Variants in SCML4 observed in about 807,000 individuals in gnomAD.
SCML4 encodes Scm polycomb group protein like 4.
A neutral mutation model predicts 41.1 loss-of-function variants in SCML4; 34 were observed. The observed-to-expected ratio is 0.83, with a 90% confidence interval of 0.63 to 1.10. The LOEUF (loss-of-function observed/expected upper bound fraction) is 1.10, where lower values mean the gene tolerates loss of function less well. Ranked by LOEUF, SCML4 falls within the 50% of genes least tolerant of loss-of-function variation. SCML4 has a pLI of 0.00. For missense variants in SCML4, 522 were observed against 534.1 expected, an observed-to-expected ratio of 0.98 and a Z score of 0.22; for synonymous variants, 214 against 220.9, an observed-to-expected ratio of 0.97 and a Z score of 0.28.
intron 1 of SCML4, among the ~76,000 whole-genome samples, chr6:107,779,518 A>G (rs1781317800): frequency 6.6e-6 from 1 of 152,126 alleles, no homozygotes; most frequent in South Asian, 2.1e-4. Flanking sequence ...TTGTTTCTGT[A>G]AGTGAACGGA....
intron 5 of SCML4, among the ~76,000 whole-genome samples, chr6:107,737,643 C>T (rs373827076): frequency 3.3e-5 from 5 of 151,894 alleles, no homozygotes; most frequent in African/African-American, 9.7e-5. Context: ...CAGGGTGTGG[C>T]CCCCGCCCTA....
In SCML4 at chr6:107,756,449, C is replaced by T. The variant is rs192651568; in HGVS notation, c.157-6636G>A. 5.9e-5 allele frequency among the ~76,000 whole-genome samples: 9 copies of T among 152,306 alleles called. No homozygotes were observed. The East Asian group carries it at 1.7e-3, about 29-fold the overall frequency. On this transcript the variant is annotated intron_variant, in intron 2 of 7. Transcript: ENST00000369020. The stretch of plus-strand genomic sequence containing the variant: ...TACAAAATACCCAACCAGTACTCCT[C>T]AAAACTGCCAAAGTCATCACAAAAG...
At chr6:107,831,878 C>G in the SCML4 span, among the ~76,000 whole-genome samples, 1 of 134,982 alleles carries the variant, frequency 7.4e-6, no homozygotes, top group African/African-American at 2.7e-5. Flanking sequence ...ACGGTGAAAC[C>G]CGTCTCTACT....
chr6:107,820,613 T>C (rs1304134533), intron 1 of SCML4, among the ~76,000 whole-genome samples: 6 of 152,148 alleles, frequency 3.9e-5, no homozygotes, highest in African/African-American at 1.4e-4. Flanking sequence ...GGGTGAGAGT[T>C]TGCAAAAACA....
At chr6:107,756,471 A>T (rs147390959) in intron 2 of SCML4, among the ~76,000 whole-genome samples, 22 of 152,344 alleles carry the variant, frequency 1.4e-4, no homozygotes, top group African/African-American at 4.3e-4. Context: ...AGTCATCACA[A>T]AAGGAAATTC....
At chr6:107,838,467 G>A in the SCML4 span, among the ~76,000 whole-genome samples, 1 of 152,156 alleles carries the variant, frequency 6.6e-6, no homozygotes, top group African/African-American at 2.4e-5. Context: ...CCAGACTTCC[G>A]GCCTCCCCCA....
At chr6:107,730,249 G>C (rs1352117932) in intron 5 of SCML4, among the ~76,000 whole-genome samples, 1 of 152,246 alleles carries the variant, frequency 6.6e-6, no homozygotes, top group Non-Finnish European at 1.5e-5. Context: ...GCAAACACCA[G>C]ATGGGGCCAG....
chr6:107,756,691 G>A (rs1341339436), intron 2 of SCML4, among the ~76,000 whole-genome samples: 1 of 152,130 alleles, frequency 6.6e-6, no homozygotes, highest in Non-Finnish European at 1.5e-5. Flanking sequence ...AAAAATGGGG[G>A]GAAATCAGGT....
Position 107,704,291 on chromosome 6 carries a change from CA to C in SCML4, c.*908del, listed in dbSNP as rs1366157935. 3 of 152,230 alleles carry C rather than the reference CA, an allele frequency of 2.0e-5. No homozygotes were observed. The highest frequency in any genetic ancestry group is 4.4e-5 in the Non-Finnish European group (3 of 68,042). 9.4% of individuals were successfully genotyped at this position (152,230 alleles called of 1,614,324 possible). ...AAGATTCTTCGGCATGCCAACACTT[CA>C]ACACCTCAATAAGGACTCTGGAAGG... is the stretch of plus-strand genomic sequence containing the variant. On this transcript the variant is annotated 3_prime_UTR_variant, in exon 8 of 8. Transcript: ENST00000369020.
intron 1 of SCML4, among the ~76,000 whole-genome samples, chr6:107,790,349 G>A (rs1331600007): frequency 2.0e-5 from 3 of 152,140 alleles, no homozygotes; most frequent in Non-Finnish European, 4.4e-5. Flanking sequence ...TAGAAAGAAA[G>A]GGGGAGAGAG....
At chr6:107,825,774 A>G (rs1785225841), upstream of SCML4, among the ~76,000 whole-genome samples, 2 of 151,750 alleles carry the variant, frequency 1.3e-5, no homozygotes, top group Admixed American at 1.3e-4. Flanking sequence ...CGTCTCTACT[A>G]AAAATACAAA....
At position 107,748,745 on chromosome 6, in the gene SCML4, G is replaced by A. The variant is rs140009230; in HGVS notation, c.286+939C>T. ...GCCTATTCAGATCATCCCATGAGCT[G>A]ATGTGAGACCATGTGAAACTGTGGC... On this transcript the variant is annotated intron_variant, in intron 3 of 7. Coordinates refer to ENST00000369020, the MANE Select transcript of SCML4 (RefSeq NM_198081.5). Among the ~76,000 whole-genome samples, 1,047 of 152,326 alleles carry A rather than the reference G, an allele frequency of 6.9e-3. 10 individuals carry two copies. Among genetic ancestry groups the A allele is most frequent in the African/African-American group, 0.024 (997 of 41,566 alleles).
chr6:107,826,066 A>G (rs550219583), upstream of SCML4, among the ~76,000 whole-genome samples: 2 of 151,920 alleles, frequency 1.3e-5, no homozygotes, highest in East Asian at 1.9e-4. Flanking sequence ...CAACATGGTG[A>G]AACCCCATCT....
At chr6:107,821,234 T>A (rs1784921709) in intron 1 of SCML4, among the ~76,000 whole-genome samples, 1 of 152,224 alleles carries the variant, frequency 6.6e-6, no homozygotes, top group African/African-American at 2.4e-5. Context: ...TGTTATATGA[T>A]ATCTGTACCA....
chr6:107,807,784 C>A lies in SCML4; in HGVS notation c.-60+16342G>T, dbSNP rs1296321310. ...AATTTGTGCTCACAGCAACTCCCAG[C>A]CGAAGACAATCCATTCCTGTTCTTG... On this transcript the variant is annotated intron_variant, in intron 1 of 7. Transcript: ENST00000369020. Among the ~76,000 whole-genome samples the A allele has an allele frequency of 2.6e-5, 4 of 152,192 alleles. 1 individual carries two copies. The highest frequency in any genetic ancestry group is 6.5e-5 in the Admixed American group (1 of 15,288).
chr6:107,703,026 A>G lies in SCML4; in HGVS notation c.*2174T>C, dbSNP rs150084680. Among the ~76,000 whole-genome samples the G allele has an allele frequency of 2.1e-3, 327 of 152,334 alleles. 13 individuals carry two copies. The East Asian group carries it at 0.04, about 19-fold the overall frequency. ...GTGACCTCTGGTTGTCCTCGCTGCT[A>G]TACTACCACCAGTGCCATGACGGTT... On this transcript the variant is annotated 3_prime_UTR_variant, in exon 8 of 8. Transcript: ENST00000369020.
At chr6:107,821,291 C>T (rs867526328) in intron 1 of SCML4, among the ~76,000 whole-genome samples, 33 of 152,152 alleles carry the variant, frequency 2.2e-4, no homozygotes, top group African/African-American at 6.8e-4. Flanking sequence ...CCCCTCTTCT[C>T]TCCTCACCTG....
the SCML4 span, among the ~76,000 whole-genome samples, chr6:107,842,906 G>A: frequency 6.6e-6 from 1 of 151,950 alleles, no homozygotes; most frequent in Non-Finnish European, 1.5e-5. Context: ...TACTATTCCT[G>A]ATAATATTTC....
At chr6:107,823,811 A>G (rs1249494221) in intron 1 of SCML4, among the ~76,000 whole-genome samples, 1 of 152,242 alleles carries the variant, frequency 6.6e-6, no homozygotes, top group African/African-American at 2.4e-5. Context: ...TTGGAAAAAA[A>G]TAACTTTCTA....
Sources: gnomAD v4.1 joint callset for allele counts (sites outside exome capture counted in the v4.1 genomes callset) on GRCh38, gnomAD v4.1.1 for gene constraint, MANE v1.5 for transcripts, NCBI Gene and HGNC (gene_info 2026-07-23, HGNC 2026-07-21) for gene names.